CELF2: variants seen among roughly 807,000 people sequenced by gnomAD.
CELF2 encodes CUG triplet repeat RNA-binding protein 2.
CELF2 carries 8 observed loss-of-function variants against 62.6 expected under a neutral mutation model. The ratio of observed to expected loss-of-function variants is 0.13; its 90% CI spans 0.07 to 0.23. The LOEUF is 0.23. CELF2 is among the 10% of genes least tolerant of loss of function. The pLI is 1.00. For synonymous variants in CELF2, 258 were observed against 250.0 expected (o/e 1.03, Z -0.30); for missense variants, 333 against 671.0 (o/e 0.50, Z 5.56).
At chr10:11,208,802 G>C (rs977335857) in intron 2 of CELF2, among the ~76,000 whole-genome samples, 2 of 152,174 alleles carry the variant, frequency 1.3e-5, no homozygotes, top group African/African-American at 4.8e-5. Flanking sequence ...GGCTGGGACT[G>C]AGAGACAGGA....
chr10:10,747,643 G>A, the CELF2 span, among the ~76,000 whole-genome samples: 17 of 152,224 alleles, frequency 1.1e-4, no homozygotes, highest in African/African-American at 4.1e-4. Flanking sequence ...ATGTAAAAAA[G>A]GGCCAATGGC....
chr10:10,582,945 A>T, the CELF2 span, among the ~76,000 whole-genome samples: 1 of 152,214 alleles, frequency 6.6e-6, no homozygotes, highest in Non-Finnish European at 1.5e-5. Flanking sequence ...TCTGGAATAA[A>T]ACATTCAGTC....
At position 10,936,953 on chromosome 10, in the gene CELF2, G is replaced by A. The variant is rs1354403539; in HGVS notation, c.89+16954G>A. On this transcript the variant is annotated intron_variant, in intron 2 of 13. Transcript: ENST00000636488. The surrounding 1 kb of genome is among the most constrained non-coding windows in gnomAD (Gnocchi z 4.0). Reference sequence around the variant, plus strand: ...ATCCTTTGAGGAGCAAACGACTACAGAGCCACCAGTCCCATCTTTGAAAGA... The same window carrying A: ...ATCCTTTGAGGAGCAAACGACTACAAAGCCACCAGTCCCATCTTTGAAAGA... 6.6e-6 allele frequency among the ~76,000 whole-genome samples: 1 copy of A among 152,116 alleles called. No homozygotes were observed. The highest frequency in any genetic ancestry group is 1.5e-5 in the Non-Finnish European group (1 of 68,016).
At chr10:10,670,918 C>A in the CELF2 span, among the ~76,000 whole-genome samples, 4 of 140,144 alleles carry the variant, frequency 2.9e-5, no homozygotes, top group African/African-American at 1.1e-4. Flanking sequence ...CCTGTAACCT[C>A]AACACTTTCA....
At chr10:10,476,376 T>G in the CELF2 span, among the ~76,000 whole-genome samples, 1 of 152,124 alleles carries the variant, frequency 6.6e-6, no homozygotes, top group Admixed American at 6.6e-5. Context: ...TACTTGAATT[T>G]CAAGGCTGTC....
chr10:10,809,465 T>G, intron 1 of CELF2, among the ~76,000 whole-genome samples: 1 of 152,254 alleles, frequency 6.6e-6, no homozygotes, highest in East Asian at 1.9e-4. Flanking sequence ...GGGTTTCATC[T>G]TATACTTTCC....
chr10:11,128,145 C>T (rs1278719131), intron 1 of CELF2, among the ~76,000 whole-genome samples: 1 of 152,198 alleles, frequency 6.6e-6, no homozygotes, highest in Non-Finnish European at 1.5e-5. Context: ...GAAATCCCTT[C>T]CCCATTGCTT....
the CELF2 span, among the ~76,000 whole-genome samples, chr10:10,494,060 T>G: frequency 6.6e-6 from 1 of 152,220 alleles, no homozygotes; most frequent in East Asian, 1.9e-4. Flanking sequence ...AAGTTTACAC[T>G]AATGTCTCTC....
rs2055766997 is a variant in CELF2 at position 11,008,640 on chromosome 10, G to C, written c.53+3200G>C. Reference sequence around the variant, plus strand: ...GCTGATAAAAAGTTCATTGAGCACAGCCATGGAAACACGCAGGTTCTTGGA... The same window carrying C: ...GCTGATAAAAAGTTCATTGAGCACACCCATGGAAACACGCAGGTTCTTGGA... On this transcript the variant is annotated intron_variant, in intron 1 of 12. Transcript: ENST00000416382. The surrounding 1 kb of genome is among the most constrained non-coding windows in gnomAD (Gnocchi z 4.5). Among the ~76,000 whole-genome samples, 1 of 152,180 alleles carries C rather than the reference G, an allele frequency of 6.6e-6. No homozygotes were observed. Among genetic ancestry groups the C allele is most frequent in the Non-Finnish European group, 1.5e-5 (1 of 68,028 alleles).
At chr10:10,926,161 A>G (rs734366) in intron 2 of CELF2, among the ~76,000 whole-genome samples, 13,546 of 152,146 alleles carry the variant, frequency 0.089, 1,354 homozygotes, top group African/African-American at 0.25. Flanking sequence ...CAGAGCCTCT[A>G]TGGTCTGAAT....
the CELF2 span, among the ~76,000 whole-genome samples, chr10:10,671,632 A>G: frequency 6.6e-6 from 1 of 152,042 alleles, no homozygotes; most frequent in Non-Finnish European, 1.5e-5. Flanking sequence ...CCATTCTAAT[A>G]GGTGTACAGG....
intron 1 of CELF2, among the ~76,000 whole-genome samples, chr10:11,006,214 G>C (rs1041015537): frequency 2.0e-5 from 3 of 152,198 alleles, no homozygotes; most frequent in Non-Finnish European, 1.5e-5. Context: ...CAATGCAGCT[G>C]TCAAACTAGC....
intron 1 of CELF2, among the ~76,000 whole-genome samples, chr10:11,054,154 G>A (rs2064614524): frequency 6.6e-6 from 1 of 152,140 alleles, no homozygotes; most frequent in South Asian, 2.1e-4. Context: ...AAAAAGCCTG[G>A]CATATAGGAA....
the CELF2 span, among the ~76,000 whole-genome samples, chr10:10,684,091 C>T: frequency 1.3e-5 from 2 of 152,150 alleles, no homozygotes; most frequent in African/African-American, 4.8e-5. Flanking sequence ...ACAACCTTTA[C>T]ATATCACAGG....
intron 2 of CELF2, among the ~76,000 whole-genome samples, chr10:11,182,387 C>T (rs975110208): frequency 1.3e-5 from 2 of 152,160 alleles, no homozygotes; most frequent in Non-Finnish European, 2.9e-5. Context: ...GACATACGAC[C>T]CTTTTATGAG....
chr10:10,499,870 T>A, the CELF2 span, among the ~76,000 whole-genome samples: 1 of 152,088 alleles, frequency 6.6e-6, no homozygotes, highest in Non-Finnish European at 1.5e-5. Flanking sequence ...AGAATAAGAC[T>A]CTTGTCTTGT....
At chr10:10,540,109 G>T in the CELF2 span, among the ~76,000 whole-genome samples, 1 of 152,126 alleles carries the variant, frequency 6.6e-6, no homozygotes, top group Non-Finnish European at 1.5e-5. Context: ...GAGTTGATTG[G>T]AAGAAGCTTG....
At chr10:11,026,031 G>C (rs2059143753) in intron 1 of CELF2, among the ~76,000 whole-genome samples, 1 of 151,958 alleles carries the variant, frequency 6.6e-6, no homozygotes, top group African/African-American at 2.4e-5. Context: ...TTAAGATGTT[G>C]CTACTCCTGA....
chr10:11,146,254 CT>C (rs2062253156), intron 1 of CELF2, among the ~76,000 whole-genome samples: 1 of 152,124 alleles, frequency 6.6e-6, no homozygotes, highest in African/African-American at 2.4e-5. Flanking sequence ...ATAATGACAC[CT>C]TATTAGCAGT....
Sources: allele counts gnomAD v4.1 joint callset (sites outside exome capture counted in the v4.1 genomes callset), GRCh38; gene constraint gnomAD v4.1.1; non-coding constraint Gnocchi (gnomAD v3.1); transcripts MANE v1.5; gene names NCBI Gene and HGNC (gene_info 2026-07-23, HGNC 2026-07-21).